Variants in RAPGEF2 observed in about 807,000 individuals in gnomAD.
RAPGEF2 encodes PDZ domain containing guanine nucleotide exchange factor (GEF) 1.
Under a neutral mutation model 186.7 loss-of-function variants are expected in RAPGEF2, and 54 were observed. The ratio of observed to expected loss-of-function variants is 0.29; its 90% CI spans 0.23 to 0.36. The LOEUF is 0.36. RAPGEF2 is among the 10% of genes least tolerant of loss of function. The pLI, the probability that RAPGEF2 is intolerant of heterozygous loss-of-function variation, is 1.00. For missense variants in RAPGEF2, 1,532 were observed against 2,045.0 expected (o/e 0.75, Z 4.84); for synonymous variants, 712 against 705.9 (o/e 1.01, Z -0.14).
intron 7 of RAPGEF2, among the ~76,000 whole-genome samples, chr4:159,301,915 A>G (rs1301499967): frequency 1.3e-5 from 2 of 152,202 alleles, no homozygotes; most frequent in Non-Finnish European, 2.9e-5. Context: ...CACCTATCAC[A>G]GTGAATTTGG....
intron 1 of RAPGEF2, among the ~76,000 whole-genome samples, chr4:159,142,553 T>C (rs1317720543): frequency 2.0e-5 from 3 of 151,584 alleles, no homozygotes. Context: ...AAATTGGGTA[T>C]GAATGGGTAA....
At chr4:159,243,267 A>G (rs180841481) in intron 6 of RAPGEF2, among the ~76,000 whole-genome samples, 37 of 152,040 alleles carry the variant, frequency 2.4e-4, no homozygotes, top group African/African-American at 5.8e-4. Flanking sequence ...ATTTTACTAA[A>G]TGAGTTAAGA....
intron 1 of RAPGEF2, among the ~76,000 whole-genome samples, chr4:159,104,534 C>CAG (rs1209953581): frequency 0.09 from 5,591 of 62,282 alleles, 180 homozygotes; most frequent in Non-Finnish European, 0.13. Context: ...GAGGGAGAGA[C>CAG]AGAGAGAGAG....
intron 1 of RAPGEF2, among the ~76,000 whole-genome samples, chr4:159,156,892 T>G (rs1293561604): frequency 6.6e-6 from 1 of 152,190 alleles, no homozygotes; most frequent in East Asian, 1.9e-4. Context: ...AAATATAGTA[T>G]AACAACCATT....
intron 4 of RAPGEF2, among the ~76,000 whole-genome samples, chr4:159,222,153 A>G (rs1298862412): frequency 6.6e-6 from 1 of 152,178 alleles, no homozygotes; most frequent in Non-Finnish European, 1.5e-5. Flanking sequence ...GTGATACCTG[A>G]TGCACAGAGC....
intron 19 of RAPGEF2, among the ~76,000 whole-genome samples, chr4:159,340,266 T>C (rs1729201312): frequency 6.6e-6 from 1 of 152,246 alleles, no homozygotes; most frequent in Non-Finnish European, 1.5e-5. Flanking sequence ...TTCTTATTCC[T>C]CTTCACTTTT....
intron 7 of RAPGEF2, among the ~76,000 whole-genome samples, chr4:159,299,094 T>C (rs534285544): frequency 6.6e-6 from 1 of 152,314 alleles, no homozygotes; most frequent in Non-Finnish European, 1.5e-5. Context: ...GACAATGATA[T>C]GGGGAAAGCA....
intron 1 of RAPGEF2, among the ~76,000 whole-genome samples, chr4:159,166,418 G>A (rs1344773522): frequency 6.6e-6 from 1 of 152,152 alleles, no homozygotes; most frequent in Non-Finnish European, 1.5e-5. Flanking sequence ...TGGGGTGAGG[G>A]GTGAGTGCGT....
chr4:159,274,478 A>T lies in RAPGEF2; in HGVS notation c.544-29864A>T, dbSNP rs1758580601. Among the ~76,000 whole-genome samples, 3 of 152,216 alleles carry T rather than the reference A, an allele frequency of 2.0e-5. No individual in the cohort carries two copies. In the South Asian group the frequency reaches 6.2e-4, roughly 31 times the overall value. On this transcript the variant is annotated intron_variant, in intron 7 of 29. Coordinates refer to ENST00000691494, the MANE Select transcript of RAPGEF2 (RefSeq NM_001394067.2). ...ATCTACATAGAGATATAACCATGTGAGCATGTATAAAAATATATACGTGTG... is the reference window on the plus strand; with the variant it reads ...ATCTACATAGAGATATAACCATGTGTGCATGTATAAAAATATATACGTGTG...
rs367609532 is a variant in RAPGEF2, at chr4:159,267,683, G to A, written c.543+23892G>A. The A allele has an allele frequency of 6.2e-5, 55 of 889,376 alleles. 1 individual carries two copies. In the Admixed American group the frequency reaches 7.7e-4, roughly 12 times the overall value. 55.1% of individuals were successfully genotyped at this position (889,376 alleles called of 1,614,324 possible). A position where few individuals can be genotyped will look rare whatever the true frequency, so the allele number is the denominator to read the frequency against. Reference sequence around the variant, plus strand: ...CAGATGAAACAAGGGTATTAACAATGCTTGGCTGAATGCTAGAGCCTGGTT... The same window carrying A: ...CAGATGAAACAAGGGTATTAACAATACTTGGCTGAATGCTAGAGCCTGGTT... On this transcript the variant is annotated intron_variant, in intron 7 of 29. Coordinates refer to ENST00000691494, the MANE Select transcript of RAPGEF2 (RefSeq NM_001394067.2).
chr4:159,203,360 A>C (rs2111349886), intron 3 of RAPGEF2, among the ~76,000 whole-genome samples: 1 of 152,308 alleles, frequency 6.6e-6, no homozygotes, highest in South Asian at 2.1e-4. Flanking sequence ...TGTAGTGTAT[A>C]TATTGGGGGT....
rs370848786 is a variant in RAPGEF2, at chr4:159,353,505, C to T, written c.4110C>T (p.Ser1370=). Residue 1370 remains serine, a synonymous_variant, in exon 28 of 30, where the codon TCC becomes TCT. Coordinates refer to ENST00000691494, the MANE Select transcript of RAPGEF2 (RefSeq NM_001394067.2). This position sits in a 1 kb window ranked among gnomAD's most constrained non-coding sequence, Gnocchi z 4.3. ...CACTTAGGTCCTATGCACCAATGTCCGAGGGCCGAGGCTTATATGCTACAG... is the reference window on the plus strand; with the variant it reads ...CACTTAGGTCCTATGCACCAATGTCTGAGGGCCGAGGCTTATATGCTACAG... The part of the protein sequence containing the change: ...QYSLGSYAPM[S]EGRGLYATAT... 159 of 1,486,682 alleles carry T rather than the reference C, an allele frequency of 1.1e-4. No individual in the cohort carries two copies. The highest frequency in any genetic ancestry group is 7.2e-4 in the Admixed American group (29 of 40,494). 92.1% of individuals were successfully genotyped at this position (1,486,682 alleles called of 1,614,324 possible). A position where few individuals can be genotyped will look rare whatever the true frequency, so the allele number is the denominator to read the frequency against.
chr4:159,338,159 C>T (rs1767732358), intron 17 of RAPGEF2, 152 bp from the exon 18 acceptor site: 1 of 608,488 alleles, frequency 1.6e-6, no homozygotes, highest in Non-Finnish European at 2.7e-6. Flanking sequence ...GCAGTAGTTG[C>T]TTTTGCAGTT....
chr4:159,225,878 C>T (rs559129089), intron 4 of RAPGEF2, among the ~76,000 whole-genome samples: 1 of 152,084 alleles, frequency 6.6e-6, no homozygotes, highest in South Asian at 2.1e-4. Context: ...GTTTTGGATA[C>T]AATTATTTTG....
At chr4:159,154,644 A>T (rs1743928498) in intron 1 of RAPGEF2, among the ~76,000 whole-genome samples, 1 of 152,152 alleles carries the variant, frequency 6.6e-6, no homozygotes, top group Admixed American at 6.5e-5. Flanking sequence ...TAATTTGTAA[A>T]ATAATCTGCT....
chr4:159,278,850 C>A (rs1012918997), intron 7 of RAPGEF2, among the ~76,000 whole-genome samples: 1 of 152,066 alleles, frequency 6.6e-6, no homozygotes, highest in Non-Finnish European at 1.5e-5. Flanking sequence ...AATACACAAC[C>A]CATAAATACA....
At chr4:159,343,232 C>G in intron 21 of RAPGEF2, 42 bp downstream of exon 21, 1 of 1,613,992 alleles carries the variant, frequency 6.2e-7, no homozygotes, top group South Asian at 1.1e-5. Flanking sequence ...CTTGAAGAAG[C>G]ACAGAATAAA....
At chr4:159,333,857 T>A (rs1490699871) in intron 17 of RAPGEF2, among the ~76,000 whole-genome samples, 1 of 152,242 alleles carries the variant, frequency 6.6e-6, no homozygotes. Flanking sequence ...GCAGTAGATA[T>A]GCAGGACTAT....
At chr4:159,131,545 T>TTTTTTTTTTTTC (rs1741107237) in intron 1 of RAPGEF2, among the ~76,000 whole-genome samples, 1 of 149,898 alleles carries the variant, frequency 6.7e-6, no homozygotes, top group African/African-American at 2.5e-5. Context: ...TTTTTTTTTT[T>TTTTTTTTTTTTC]TAGCTTTTGC....
Sources: allele counts gnomAD v4.1 joint callset (sites outside exome capture counted in the v4.1 genomes callset), GRCh38; gene constraint gnomAD v4.1.1; non-coding constraint Gnocchi (gnomAD v3.1); transcripts MANE v1.5; gene names NCBI Gene and HGNC (gene_info 2026-07-23, HGNC 2026-07-21).